The following SEC24D variants were observed in gnomAD, a reference collection of about 807,000 sequenced individuals.
SEC24D encodes protein transport protein Sec24D.
In SEC24D, 69 loss-of-function variants were observed where a neutral mutation model predicts 116.9. The ratio of observed to expected loss-of-function variants is 0.59; its 90% CI spans 0.49 to 0.72. The LOEUF (loss-of-function observed/expected upper bound fraction) is 0.72. SEC24D is among the 30% of genes least tolerant of loss of function. SEC24D has a pLI of 0.00. For synonymous variants in SEC24D, 405 were observed against 442.8 expected (o/e 0.91, Z 1.07); for missense variants, 1,131 against 1,264.1 (o/e 0.89, Z 1.60).
chr4:118,749,793 T>G (rs543509274), intron 13 of SEC24D, among the ~76,000 whole-genome samples: 1 of 152,262 alleles, frequency 6.6e-6, no homozygotes, highest in South Asian at 2.1e-4. Context: ...TGCATGAAAC[T>G]GGCATTGGGG....
intron 8 of SEC24D, among the ~76,000 whole-genome samples, chr4:118,768,520 G>A (rs545566962): frequency 3.3e-5 from 5 of 150,504 alleles, no homozygotes; most frequent in East Asian, 4.0e-4. Context: ...TCAGCCTCCC[G>A]AGTGGCTGTG....
intron 8 of SEC24D, among the ~76,000 whole-genome samples, chr4:118,772,747 T>C (rs1727957525): frequency 6.6e-6 from 1 of 152,190 alleles, no homozygotes; most frequent in African/African-American, 2.4e-5. Context: ...TGATGTCTGG[T>C]GTGTCCTGGC....
chr4:118,815,447 T>A lies in SEC24D; in HGVS notation c.673+4A>T, dbSNP rs892804067. 16 of 1,613,832 alleles carry A rather than the reference T, an allele frequency of 9.9e-6. No individual in the cohort carries two copies. Among genetic ancestry groups the A allele is most frequent in the Non-Finnish European group, 1.4e-5 (16 of 1,179,874 alleles). On this transcript the variant is annotated splice_donor_region_variant and intron_variant, in intron 5 of 22. Transcript: ENST00000280551. ...AGCCTTCCCCTGCACCCTGTCCGCC[T>A]TACCCTGCTGCGGAGGATATCCAGC...
At position 118,817,365 on chromosome 4, in the gene SEC24D, G is replaced by C; in HGVS notation, c.296C>G (p.Pro99Arg). Reference protein sequence around the residue: ...PVNNVASSHAPYQPSAQSSYP... With the variant: ...PVNNVASSHARYQPSAQSSYP... ...AGAAGATTGTGCAGAGGGTTGGTAT[G>C]GTGCATGTGAGGATGCCACATTGTT... The change falls in exon 4 of 23, where the codon CCA (proline) becomes CGA (arginine). Residue 99 changes from proline (P) to arginine (R), a missense_variant. By Grantham distance (103) the Pro-to-Arg change is moderately radical. Transcript: ENST00000280551. The C allele has an allele frequency of 1.2e-6, 2 of 1,613,048 alleles. No homozygotes were observed. The highest frequency in any genetic ancestry group is 1.7e-6 in the Non-Finnish European group (2 of 1,179,516).
Position 118,764,896 on chromosome 4 carries a change from T to G in SEC24D, c.1202A>C (p.His401Pro). The G allele has an allele frequency of 6.2e-7, 1 of 1,603,572 alleles. No individual in the cohort carries two copies. The highest frequency in any genetic ancestry group is 8.5e-7 in the Non-Finnish European group (1 of 1,170,860). Residue 401 changes from histidine (H) to proline (P), a missense_variant, in exon 10 of 23, where the codon CAT (histidine) becomes CCT (proline). By Grantham distance (77) the His-to-Pro change is moderately conservative. Coordinates refer to ENST00000280551, the MANE Select transcript of SEC24D (RefSeq NM_014822.4). ...CAGTCTTCTTCCAATGTGGTCCAGA[T>G]GTTGGAAATAGAATGGTGGAACTAA... ...VNDVPPFYFQ[H>P]LDHIGRRLDH...
intron 11 of SEC24D, among the ~76,000 whole-genome samples, chr4:118,756,394 GT>G (rs895092959): frequency 1.3e-5 from 2 of 152,054 alleles, no homozygotes; most frequent in Non-Finnish European, 2.9e-5. Context: ...TTGCCTCGGT[GT>G]TTTTTAAACA....
intron 2 of SEC24D, among the ~76,000 whole-genome samples, chr4:118,829,761 G>A (rs1251104756): frequency 3.3e-5 from 5 of 151,930 alleles, no homozygotes; most frequent in Non-Finnish European, 7.4e-5. Flanking sequence ...GCAGTGAGCC[G>A]AGATCGTGCC....
At chr4:118,789,169 T>C (rs1200292916) in intron 8 of SEC24D, among the ~76,000 whole-genome samples, 1 of 152,252 alleles carries the variant, frequency 6.6e-6, no homozygotes, top group Non-Finnish European at 1.5e-5. Context: ...GTAACTTTAA[T>C]AGCCCCAGAA....
intron 2 of SEC24D, chr4:118,825,577 A>C (rs2110536630): frequency 2.2e-6 from 1 of 456,258 alleles, no homozygotes; most frequent in Non-Finnish European, 4.4e-6. Flanking sequence ...AGTTGTATGA[A>C]CCTGGGCAAG....
intron 8 of SEC24D, among the ~76,000 whole-genome samples, chr4:118,779,086 C>T (rs552177956): frequency 9.2e-5 from 14 of 152,224 alleles, no homozygotes; most frequent in Admixed American, 3.9e-4. Context: ...TAATTAAATA[C>T]GCTTTATTTC....
At chr4:118,750,624 C>T (rs2110454430) in intron 13 of SEC24D, among the ~76,000 whole-genome samples, 1 of 152,238 alleles carries the variant, frequency 6.6e-6, no homozygotes, top group East Asian at 1.9e-4. Flanking sequence ...TGTACAGGAA[C>T]ATTTACATAT....
intron 19 of SEC24D, among the ~76,000 whole-genome samples, chr4:118,733,495 C>T (rs1330911855): frequency 6.6e-6 from 1 of 152,014 alleles, no homozygotes; most frequent in African/African-American, 2.4e-5. Flanking sequence ...ATCTTAAACT[C>T]ATCAAAAAAA....
intron 22 of SEC24D, 38 bp from the exon 23 acceptor site, chr4:118,723,693 T>C: frequency 6.3e-7 from 1 of 1,581,234 alleles, no homozygotes; most frequent in Non-Finnish European, 8.6e-7. Flanking sequence ...AGCCCCTGGT[T>C]ATAAACATTA....
chr4:118,730,175 G>A (rs1431481608), intron 21 of SEC24D: 1 of 152,108 alleles, frequency 6.6e-6, no homozygotes, highest in African/African-American at 2.4e-5. Flanking sequence ...TATTACAAGA[G>A]GAAGCTTCCT....
chr4:118,785,599 GA>G (rs1728632909), intron 8 of SEC24D, among the ~76,000 whole-genome samples: 1 of 152,042 alleles, frequency 6.6e-6, no homozygotes, highest in African/African-American at 2.4e-5. Context: ...AACACCTTAT[GA>G]AAAAATAAAG....
At chr4:118,798,697 C>A (rs1429881765) in intron 7 of SEC24D, among the ~76,000 whole-genome samples, 3 of 152,168 alleles carry the variant, frequency 2.0e-5, no homozygotes, top group Admixed American at 1.3e-4. Context: ...GTGAAAAAAG[C>A]ATATCTAGTG....
intron 2 of SEC24D, among the ~76,000 whole-genome samples, chr4:118,830,645 A>T (rs1160836382): frequency 1.3e-5 from 2 of 149,590 alleles, no homozygotes; most frequent in East Asian, 1.9e-4. Flanking sequence ...GCCAATTAAA[A>T]TTTTTTTTTT....
intron 13 of SEC24D, among the ~76,000 whole-genome samples, chr4:118,748,096 T>A (rs1375755786): frequency 3.3e-5 from 5 of 152,078 alleles, no homozygotes; most frequent in Non-Finnish European, 5.9e-5. Flanking sequence ...AAACCCCATC[T>A]CTACTAAAAA....
intron 8 of SEC24D, among the ~76,000 whole-genome samples, chr4:118,783,021 T>C (rs1728491371): frequency 6.6e-6 from 1 of 152,176 alleles, no homozygotes; most frequent in Non-Finnish European, 1.5e-5. Context: ...CGGCTTCCCT[T>C]GGCTAGGAAA....
Sources: gnomAD v4.1 joint callset for allele counts (sites outside exome capture counted in the v4.1 genomes callset) on GRCh38, gnomAD v4.1.1 for gene constraint, MANE v1.5 for transcripts, NCBI Gene and HGNC (gene_info 2026-07-23, HGNC 2026-07-21) for gene names.